Variants in SUB1 observed in about 807,000 individuals in gnomAD.
SUB1 encodes SUB1 regulator of transcription, also known as activated RNA polymerase II transcriptional coactivator p15.
In SUB1, 1 loss-of-function variant was observed where a neutral mutation model predicts 16.9. The observed-to-expected ratio is 0.06, with a 90% confidence interval of 0.02 to 0.28. The LOEUF (loss-of-function observed/expected upper bound fraction) is 0.28. Ranked by LOEUF, SUB1 falls within the 10% of genes least tolerant of loss-of-function variation. SUB1 has a pLI of 1.00. For missense variants in SUB1, 84 were observed against 145.2 expected, an observed-to-expected ratio of 0.58 and a Z score of 2.16; for synonymous variants, 51 against 46.9, an observed-to-expected ratio of 1.09 and a Z score of -0.36.
intron 1 of SUB1, 145 bp from the exon 2 acceptor site, chr5:32,588,367 T>C (rs944595493): frequency 1.2e-5 from 8 of 658,532 alleles, no homozygotes; most frequent in African/African-American, 1.8e-5. Context: ...TTAAAACTTG[T>C]GCTCAGTGTA....
chr5:32,593,451 G>T (rs1267029067), intron 3 of SUB1, among the ~76,000 whole-genome samples: 1 of 151,942 alleles, frequency 6.6e-6, no homozygotes, highest in Non-Finnish European at 1.5e-5. Flanking sequence ...TTTTTGCCTT[G>T]TTATACTTCT....
At chr5:32,594,501 G>A (rs943072298) in intron 3 of SUB1, 3 of 399,426 alleles carry the variant, frequency 7.5e-6, no homozygotes, top group South Asian at 1.8e-5. Flanking sequence ...ATTATAACTG[G>A]TCATTTTAAT....
At chr5:32,586,923 C>T (rs1015748504) in intron 1 of SUB1, among the ~76,000 whole-genome samples, 5 of 152,232 alleles carry the variant, frequency 3.3e-5, no homozygotes, top group Admixed American at 2.0e-4. Context: ...TTTTCCTTGA[C>T]CTCCTATTTT....
At chr5:32,590,904 T>TTA (rs1339696101) in intron 2 of SUB1, among the ~76,000 whole-genome samples, 1 of 151,406 alleles carries the variant, frequency 6.6e-6, no homozygotes, top group Non-Finnish European at 1.5e-5. Flanking sequence ...GTAGCTGGGA[T>TTA]TATAGGTGCC....
intron 3 of SUB1, chr5:32,595,317 G>T (rs1321360539): frequency 1.3e-5 from 2 of 152,094 alleles, no homozygotes; most frequent in Admixed American, 1.3e-4. Flanking sequence ...ATCACCCCAG[G>T]AAGTTCCTCT....
chr5:32,591,750 G>A (rs1738833283), intron 3 of SUB1, 65 bp downstream of exon 3: 1 of 1,466,900 alleles, frequency 6.8e-7, no homozygotes, highest in Non-Finnish European at 9.0e-7. Context: ...ACCCAGGCTG[G>A]AGTGCAGTGG....
At chr5:32,594,698 C>G (rs767224271) in intron 3 of SUB1, 2 of 422,652 alleles carry the variant, frequency 4.7e-6, no homozygotes, top group African/African-American at 2.1e-5. Flanking sequence ...CATAGGAGCG[C>G]GAACCCTATT....
At chr5:32,595,711 A>G (rs999654862) in intron 3 of SUB1, 12 of 152,252 alleles carry the variant, frequency 7.9e-5, no homozygotes, top group East Asian at 3.8e-4. Context: ...GTGTAACTGT[A>G]TAAGACACTG....
intron 3 of SUB1, among the ~76,000 whole-genome samples, chr5:32,592,764 T>C (rs1210080770): frequency 1.3e-5 from 2 of 151,970 alleles, no homozygotes; most frequent in Non-Finnish European, 2.9e-5. Flanking sequence ...AGTTGGGAAA[T>C]GTTCATGTGG....
At chr5:32,593,625 T>C (rs565822093) in intron 3 of SUB1, among the ~76,000 whole-genome samples, 1 of 152,312 alleles carries the variant, frequency 6.6e-6, no homozygotes, top group African/African-American at 2.4e-5. Flanking sequence ...TCTGGAAAGA[T>C]TCCTAAGCCT....
chr5:32,597,445 T>C (rs565461729), intron 3 of SUB1: 1 of 152,236 alleles, frequency 6.6e-6, no homozygotes, highest in Admixed American at 6.5e-5. Flanking sequence ...CCCATTTTGT[T>C]TATCAGTTCA....
At chr5:32,600,397 C>T (rs543607543) in intron 4 of SUB1, among the ~76,000 whole-genome samples, 2 of 152,300 alleles carry the variant, frequency 1.3e-5, no homozygotes, top group East Asian at 1.9e-4. Flanking sequence ...TGGACCTGAC[C>T]ATTTTAGCCT....
At chr5:32,585,881 C>T (rs1213355647) in intron 1 of SUB1, 3 of 152,876 alleles carry the variant, frequency 2.0e-5, no homozygotes, top group Non-Finnish European at 2.9e-5. Context: ...CGCTGCGGCC[C>T]GGGGCGGTAG....
At chr5:32,587,904 C>T (rs944896973) in intron 1 of SUB1, among the ~76,000 whole-genome samples, 12 of 152,130 alleles carry the variant, frequency 7.9e-5, no homozygotes, top group Admixed American at 7.9e-4. Context: ...CCATCGTTCC[C>T]GGCCTGAATT....
At chr5:32,593,245 T>C (rs1218938848) in intron 3 of SUB1, among the ~76,000 whole-genome samples, 1 of 152,122 alleles carries the variant, frequency 6.6e-6, no homozygotes, top group Non-Finnish European at 1.5e-5. Context: ...GCTCAAGTGA[T>C]GCGCCCACCT....
chr5:32,599,651 A>T (rs1401736805), intron 4 of SUB1, among the ~76,000 whole-genome samples: 10 of 151,166 alleles, frequency 6.6e-5, no homozygotes, highest in Non-Finnish European at 1.5e-4. Context: ...ATTTAGTTTT[A>T]TTCTGCCTGC....
intron 3 of SUB1, chr5:32,597,866 A>G (rs1739008854): frequency 6.6e-6 from 1 of 152,174 alleles, no homozygotes. Flanking sequence ...GAGAAAAGAA[A>G]ATATTACTAA....
intron 2 of SUB1, among the ~76,000 whole-genome samples, chr5:32,590,373 G>A (rs1051215932): frequency 1.3e-4 from 20 of 151,694 alleles, no homozygotes; most frequent in African/African-American, 4.8e-4. Flanking sequence ...GTATTGTAGT[G>A]GTTTTTATGG....
chr5:32,586,008 C>T (rs1442161954), intron 1 of SUB1: 1 of 152,452 alleles, frequency 6.6e-6, no homozygotes, highest in African/African-American at 2.4e-5. Flanking sequence ...TCCCCCGCCC[C>T]TCGCCCTGAG....
Sources: gnomAD v4.1 joint callset for allele counts (sites outside exome capture counted in the v4.1 genomes callset) on GRCh38, gnomAD v4.1.1 for gene constraint, MANE v1.5 for transcripts, NCBI Gene and HGNC (gene_info 2026-07-23, HGNC 2026-07-21) for gene names.